The following ZNF804B variants were observed in gnomAD, a reference collection of about 807,000 sequenced individuals.
ZNF804B encodes the protein zinc finger 804B.
A neutral mutation model predicts 101.4 loss-of-function variants in ZNF804B; 80 were observed. The ratio of observed to expected loss-of-function variants is 0.79; its 90% CI spans 0.66 to 0.95. The LOEUF (loss-of-function observed/expected upper bound fraction) is 0.95. Among genes scored for constraint, ZNF804B ranks in the 40% least tolerant of loss-of-function variants. The pLI is 0.00. For missense variants in ZNF804B, 1,673 were observed against 1,561.9 expected (o/e 1.07, Z -1.20); for synonymous variants, 622 against 558.8 (o/e 1.11, Z -1.59).
intron 2 of ZNF804B, among the ~76,000 whole-genome samples, chr7:89,222,211 T>A (rs1789015415): frequency 6.6e-6 from 1 of 151,974 alleles, no homozygotes; most frequent in African/African-American, 2.4e-5. Flanking sequence ...CTTAAGGCCA[T>A]CATCACTATC....
chr7:89,048,640 C>G (rs897695645), intron 1 of ZNF804B, among the ~76,000 whole-genome samples: 1 of 151,754 alleles, frequency 6.6e-6, no homozygotes, highest in Admixed American at 6.6e-5. Flanking sequence ...ATTAGAAATA[C>G]TCCTGCTAGT....
intron 1 of ZNF804B, among the ~76,000 whole-genome samples, chr7:88,852,039 T>C (rs1390725956): frequency 6.6e-6 from 1 of 152,038 alleles, no homozygotes; most frequent in East Asian, 1.9e-4. Flanking sequence ...GGCAGGGAGT[T>C]TTGTCATGGT....
chr7:89,321,496 A>G (rs1179091286), intron 2 of ZNF804B, among the ~76,000 whole-genome samples: 1 of 152,068 alleles, frequency 6.6e-6, no homozygotes, highest in African/African-American at 2.4e-5. Flanking sequence ...AATAATAATA[A>G]TAATTTTATG....
At chr7:88,945,018 A>T (rs909330345) in intron 1 of ZNF804B, among the ~76,000 whole-genome samples, 2 of 151,722 alleles carry the variant, frequency 1.3e-5, no homozygotes, top group African/African-American at 4.8e-5. Flanking sequence ...GATTGCAAAA[A>T]TTTTCTCCCA....
At chr7:88,887,753 A>G (rs1583998556) in intron 1 of ZNF804B, among the ~76,000 whole-genome samples, 1 of 147,958 alleles carries the variant, frequency 6.8e-6, no homozygotes, top group Non-Finnish European at 1.5e-5. Flanking sequence ...TTCATTGTAA[A>G]AAAAAAAAAA....
rs1047307372 is a variant in ZNF804B at position 89,276,992 on chromosome 7, T to C, written c.250-50352T>C. ...GTGTCTTTTGGGCTATAGGTGTACA[T>C]CTGGAATTTGCTAGCATTAGCACAC... On this transcript the variant is annotated intron_variant, in intron 2 of 3. Coordinates refer to ENST00000333190, the MANE Select transcript of ZNF804B (RefSeq NM_181646.5). Among the ~76,000 whole-genome samples the C allele has an allele frequency of 5.9e-5, 9 of 151,480 alleles. 1 individual carries two copies. The highest frequency in any genetic ancestry group is 1.9e-4 in the African/African-American group (8 of 41,036).
At chr7:89,115,129 A>ACATTT (rs1790289082) in intron 1 of ZNF804B, among the ~76,000 whole-genome samples, 1 of 152,138 alleles carries the variant, frequency 6.6e-6, no homozygotes. Flanking sequence ...AGAGGGAATC[A>ACATTT]AGGTCAAGCA....
chr7:88,846,669 A>C (rs1453832999), intron 1 of ZNF804B, among the ~76,000 whole-genome samples: 1 of 151,708 alleles, frequency 6.6e-6, no homozygotes, highest in Non-Finnish European at 1.5e-5. Context: ...CCTTTTTGGT[A>C]TAACATTCTT....
At chr7:88,801,592 A>G (rs1013019667) in intron 1 of ZNF804B, among the ~76,000 whole-genome samples, 1 of 152,110 alleles carries the variant, frequency 6.6e-6, no homozygotes, top group Non-Finnish European at 1.5e-5. Flanking sequence ...TGCAAATGTA[A>G]ATCATAAGCT....
chr7:89,136,321 A>T (rs1425720514), intron 1 of ZNF804B, among the ~76,000 whole-genome samples: 1 of 151,968 alleles, frequency 6.6e-6, no homozygotes, highest in Non-Finnish European at 1.5e-5. Context: ...TTGTGTGTGT[A>T]TTTTTTTGGG....
intron 1 of ZNF804B, among the ~76,000 whole-genome samples, chr7:89,195,037 A>AT (rs1324050453): frequency 6.6e-6 from 1 of 151,826 alleles, no homozygotes; most frequent in Admixed American, 6.6e-5. Context: ...GGTTCAATAT[A>AT]TGCAAATCAA....
intron 1 of ZNF804B, among the ~76,000 whole-genome samples, chr7:88,933,142 T>G (rs759730898): frequency 6.6e-6 from 1 of 151,774 alleles, no homozygotes; most frequent in African/African-American, 2.4e-5. Flanking sequence ...TGGCTTAATA[T>G]ATACATGACA....
At position 89,335,802 on chromosome 7, in the gene ZNF804B, A is replaced by T; in HGVS notation, c.2820A>T (p.Gln940His). 6.2e-7 allele frequency: 1 copy of T among 1,614,094 alleles called. No homozygotes were observed. Among genetic ancestry groups the T allele is most frequent in the Non-Finnish European group, 8.5e-7 (1 of 1,179,974 alleles). ...TACAAGCCAAGAAATGTCAAGAACA[A>T]TCAAGTAATGTTGAGATCTCTTCAA... ...ERVQAKKCQE[Q>H]SSNVEISSNS... Residue 940 changes from glutamine (Q) to histidine (H), a missense_variant, in exon 4 of 4, where the codon CAA becomes CAT. Coordinates refer to ENST00000333190, the MANE Select transcript of ZNF804B (RefSeq NM_181646.5).
chr7:88,896,553 G>A (rs1792287614), intron 1 of ZNF804B, among the ~76,000 whole-genome samples: 1 of 152,054 alleles, frequency 6.6e-6, no homozygotes, highest in South Asian at 2.1e-4. Flanking sequence ...TTATATTCAT[G>A]TATACTTCAT....
chr7:89,126,566 T>C (rs1310641929), intron 1 of ZNF804B, among the ~76,000 whole-genome samples: 2 of 152,058 alleles, frequency 1.3e-5, no homozygotes. Context: ...TCATTAATTA[T>C]TGAAAAAGAA....
At chr7:88,970,191 G>A (rs946312770) in intron 1 of ZNF804B, among the ~76,000 whole-genome samples, 2 of 151,434 alleles carry the variant, frequency 1.3e-5, no homozygotes, top group Non-Finnish European at 3.0e-5. Flanking sequence ...TATAATAATT[G>A]TATTTTATTT....
chr7:89,155,420 G>A (rs1055505611), intron 1 of ZNF804B, among the ~76,000 whole-genome samples: 8 of 151,890 alleles, frequency 5.3e-5, no homozygotes, highest in Admixed American at 3.3e-4. Context: ...TGTTCTCTTC[G>A]CTCAACATCT....
intron 2 of ZNF804B, among the ~76,000 whole-genome samples, chr7:89,276,872 G>A (rs991791114): frequency 6.6e-6 from 1 of 151,726 alleles, no homozygotes; most frequent in Non-Finnish European, 1.5e-5. Flanking sequence ...ACTAAACAAT[G>A]TAGACAGTAT....
At chr7:89,273,946 G>C (rs1000965436) in intron 2 of ZNF804B, among the ~76,000 whole-genome samples, 4 of 151,838 alleles carry the variant, frequency 2.6e-5, no homozygotes, top group Non-Finnish European at 5.9e-5. Context: ...TTTTTCTCAA[G>C]TCAGTAGCCA....
Sources: allele counts gnomAD v4.1 joint callset (sites outside exome capture counted in the v4.1 genomes callset), GRCh38; gene constraint gnomAD v4.1.1; transcripts MANE v1.5; gene names NCBI Gene and HGNC (gene_info 2026-07-23, HGNC 2026-07-21).